Variants in RGS12 observed in about 807,000 individuals in gnomAD.
RGS12 encodes regulator of G protein signaling 12, also known as regulator of G-protein signaling 12.
In RGS12, 66 loss-of-function variants were observed where a neutral mutation model predicts 120.1. That is an observed-to-expected ratio of 0.55 (90% CI 0.45 to 0.67). The LOEUF (loss-of-function observed/expected upper bound fraction) is 0.67, where lower values mean the gene tolerates loss of function less well. RGS12 is among the 30% of genes least tolerant of loss of function. The probability of loss-of-function intolerance (pLI) is 0.00; values close to 1 mark genes in which losing one functional copy is unlikely to be tolerated. For missense variants in RGS12, 1,859 were observed against 1,957.7 expected, an observed-to-expected ratio of 0.95 and a Z score of 0.95; for synonymous variants, 827 against 804.7, an observed-to-expected ratio of 1.03 and a Z score of -0.47.
chr4:3,392,108 A>G (rs998712909), intron 4 of RGS12, among the ~76,000 whole-genome samples: 9 of 152,164 alleles, frequency 5.9e-5, no homozygotes, highest in African/African-American at 2.2e-4. Flanking sequence ...GATTTAAGGA[A>G]AAGGTCTAGA....
chr4:3,356,933 C>T (rs189535579), intron 3 of RGS12, among the ~76,000 whole-genome samples: 208 of 152,212 alleles, frequency 1.4e-3, no homozygotes, highest in Admixed American at 2.7e-3. Flanking sequence ...CTGTATCATA[C>T]GGTAGTCCTA....
Position 3,433,187 on chromosome 4 carries a change from C to T in RGS12, c.4114+2232C>T, listed in dbSNP as rs906570722. ...GGGTTTAGGAGCTTGGGGGTCATCC[C>T]GGGTCACGCTCTCCGACGTTGACAG... On this transcript the variant is annotated intron_variant, in intron 17 of 17. Transcript: ENST00000336727. This position sits in a 1 kb window ranked among gnomAD's most constrained non-coding sequence, Gnocchi z 4.4. 2.6e-5 allele frequency among the ~76,000 whole-genome samples: 4 copies of T among 152,204 alleles called. No individual in the cohort carries two copies. Among genetic ancestry groups the T allele is most frequent in the East Asian group, 1.9e-4 (1 of 5,194 alleles).
chr4:3,390,789 G>A lies in RGS12; in HGVS notation c.2020+4352G>A, dbSNP rs899087168. The stretch of plus-strand genomic sequence containing the variant: ...TAGCGAACAGGCACTGAGGCCTGGG[G>A]AGCTGTCACAAACGGCTGCCTGATG... On this transcript the variant is annotated intron_variant, in intron 4 of 17. Coordinates refer to ENST00000336727, the MANE Select transcript of RGS12 (RefSeq NM_001394154.1). This position sits in a 1 kb window ranked among gnomAD's most constrained non-coding sequence, Gnocchi z 4.6. Among the ~76,000 whole-genome samples, 1 of 152,244 alleles carries A rather than the reference G, an allele frequency of 6.6e-6. No homozygotes were observed. The highest frequency in any genetic ancestry group is 1.5e-5 in the Non-Finnish European group (1 of 68,040).
rs1722535645 is a variant in RGS12, at chr4:3,417,475, T to C, written c.2695T>C (p.Ser899Pro). The part of the protein sequence containing the change: ...SEKKRKGAFF[S>P]WSRTRSTGRS... ...GAAGAAGCGGAAAGGCGCGTTTTTC[T>C]CGTGGTCGCGGACCAGGAGCACCGG... The change falls in exon 9 of 18, where the codon TCG becomes CCG. Residue 899 changes from serine to proline, a missense_variant. Ser to Pro is a moderately conservative substitution (Grantham distance 74, BLOSUM62 -1). Transcript: ENST00000336727. 1.1e-5 allele frequency: 17 copies of C among 1,613,360 alleles called. No homozygotes were observed. In the East Asian group the frequency reaches 3.8e-4, roughly 36 times the overall value.
At chr4:3,296,694 G>A (rs376251900) in intron 1 of RGS12, among the ~76,000 whole-genome samples, 12 of 152,214 alleles carry the variant, frequency 7.9e-5, no homozygotes, top group Admixed American at 6.5e-4. Context: ...CATTGTGTGC[G>A]AGGAGCACCC....
At chr4:3,431,093 G>C in intron 17 of RGS12, 138 bp downstream of exon 17, 1 of 1,449,400 alleles carries the variant, frequency 6.9e-7, no homozygotes, top group Non-Finnish European at 9.0e-7. Context: ...TGCTGGTTGG[G>C]GGCTTCCTTG....
Position 3,355,069 on chromosome 4 carries a change from G to A in RGS12, c.1998+12016G>A, listed in dbSNP as rs536014213. Among the ~76,000 whole-genome samples, 73 of 152,242 alleles carry A rather than the reference G, an allele frequency of 4.8e-4. 3 individuals are homozygous for A. Among genetic ancestry groups the A allele is most frequent in the Middle Eastern group, 3.4e-3 (1 of 294 alleles). ...AGAATCCTAAACAAAACATTAGCAA[G>A]GTGATTCCAGCAATTTATAAAAAGG... On this transcript the variant is annotated intron_variant, in intron 3 of 17. Coordinates refer to ENST00000336727, the MANE Select transcript of RGS12 (RefSeq NM_001394154.1).
intron 2 of RGS12, among the ~76,000 whole-genome samples, chr4:3,342,119 C>T (rs1337338300): frequency 6.6e-6 from 1 of 151,904 alleles, no homozygotes; most frequent in Admixed American, 6.5e-5. Context: ...AGGTTTTCTA[C>T]AAGACTCTTA....
chr4:3,355,924 A>G (rs1024566911), intron 3 of RGS12, among the ~76,000 whole-genome samples: 1 of 151,940 alleles, frequency 6.6e-6, no homozygotes, highest in African/African-American at 2.4e-5. Flanking sequence ...AATCAATTGT[A>G]TATACATTTA....
In RGS12 at chr4:3,416,052, C is replaced by T. The variant is rs866468871; in HGVS notation, c.2358C>T (p.Ser786=). The change falls in exon 7 of 18, where the codon AGC becomes AGT. Residue 786 remains serine, a synonymous_variant. Transcript: ENST00000336727. Reference sequence around the variant, plus strand: ...CCACCACCCCGGTCAACATCGACAGCCAGGCCCAGCTAGCAGACGACGTCC... The same window carrying T: ...CCACCACCCCGGTCAACATCGACAGTCAGGCCCAGCTAGCAGACGACGTCC... The part of the protein sequence containing the change: ...SKATTPVNID[S]QAQLADDVLR... 2 of 1,614,048 alleles carry T rather than the reference C, an allele frequency of 1.2e-6. No individual in the cohort carries two copies. Among genetic ancestry groups the T allele is most frequent in the South Asian group, 1.1e-5 (1 of 91,062 alleles).
At chr4:3,310,697 C>A (rs1335901435) in intron 1 of RGS12, among the ~76,000 whole-genome samples, 1 of 151,534 alleles carries the variant, frequency 6.6e-6, no homozygotes, top group Non-Finnish European at 1.5e-5. Context: ...GAGGGGGGTG[C>A]CAGGTGGGTG....
chr4:3,314,918 C>T (rs1356295412), intron 1 of RGS12: 6 of 152,210 alleles, frequency 3.9e-5, no homozygotes, highest in Admixed American at 3.9e-4. Flanking sequence ...AAGAGGGGCT[C>T]CCTGTGCTTA....
intron 17 of RGS12, among the ~76,000 whole-genome samples, chr4:3,437,816 A>G (rs906629222): frequency 1.6e-4 from 24 of 152,170 alleles, no homozygotes; most frequent in African/African-American, 5.6e-4. Flanking sequence ...CTCTGGGGCC[A>G]CTGCTGGGAC....
chr4:3,428,048 G>A (rs1263358901), intron 14 of RGS12, 42 bp from the exon 15 acceptor site: 2 of 1,565,850 alleles, frequency 1.3e-6, no homozygotes, highest in African/African-American at 1.3e-5. Context: ...CATTCAGATG[G>A]ATTTGCGAGT....
intron 3 of RGS12, among the ~76,000 whole-genome samples, chr4:3,375,999 C>A (rs1268961128): frequency 6.6e-6 from 1 of 152,160 alleles, no homozygotes; most frequent in Non-Finnish European, 1.5e-5. Flanking sequence ...AGGGCAAAGG[C>A]CTGTGTGGTG....
chr4:3,403,267 T>C (rs1215457412), intron 4 of RGS12, among the ~76,000 whole-genome samples: 1 of 152,202 alleles, frequency 6.6e-6, no homozygotes, highest in Non-Finnish European at 1.5e-5. Flanking sequence ...AGAATTCAGA[T>C]TTCTCCTGTT....
chr4:3,316,372 A>G lies in RGS12; in HGVS notation c.202A>G (p.Asn68Asp), dbSNP rs1560652988. 6.2e-7 allele frequency: 1 copy of G among 1,613,714 alleles called. No homozygotes were observed. Among genetic ancestry groups the G allele is most frequent in the Non-Finnish European group, 8.5e-7 (1 of 1,179,788 alleles). The stretch of plus-strand genomic sequence containing the variant: ...AGCTGGAGACCAGATACTTGCTGTC[A>G]ATGAAATCAACGTGAAAAAAGCATC... ...LRAGDQILAVNEINVKKASHE... is the reference protein window; with the variant it reads ...LRAGDQILAVDEINVKKASHE... Residue 68 changes from asparagine to aspartate, a missense_variant, in exon 2 of 18, where the codon AAT (asparagine) becomes GAT (aspartate). Transcript: ENST00000336727.
chr4:3,334,845 G>A (rs902429879), intron 2 of RGS12, among the ~76,000 whole-genome samples: 1 of 152,042 alleles, frequency 6.6e-6, no homozygotes, highest in Admixed American at 6.6e-5. Flanking sequence ...AGGCAGATGC[G>A]GGTCACTGAT....
intron 4 of RGS12, among the ~76,000 whole-genome samples, chr4:3,399,005 A>G (rs1421295915): frequency 6.6e-6 from 1 of 152,206 alleles, no homozygotes; most frequent in East Asian, 1.9e-4. Context: ...GAATTCATAC[A>G]TTTTAAAGTT....
Sources: allele counts gnomAD v4.1 joint callset (sites outside exome capture counted in the v4.1 genomes callset), GRCh38; gene constraint gnomAD v4.1.1; non-coding constraint Gnocchi (gnomAD v3.1); transcripts MANE v1.5; gene names NCBI Gene and HGNC (gene_info 2026-07-23, HGNC 2026-07-21).